STK38L: variants seen among roughly 807,000 people sequenced by gnomAD.
STK38L encodes serine/threonine kinase 38 like.
In STK38L, 28 loss-of-function variants were observed where a neutral mutation model predicts 59.7. That is an observed-to-expected ratio of 0.47 (90% CI 0.35 to 0.64). The LOEUF (loss-of-function observed/expected upper bound fraction) is 0.64. Among genes scored for constraint, STK38L ranks in the 30% least tolerant of loss-of-function variants. The pLI is 0.01. For missense variants in STK38L, 314 were observed against 555.8 expected (o/e 0.56, Z 4.37); for synonymous variants, 162 against 176.8 (o/e 0.92, Z 0.66).
chr12:27,247,227 C>T (rs1348261158), intron 1 of STK38L, among the ~76,000 whole-genome samples: 2 of 152,130 alleles, frequency 1.3e-5, no homozygotes, highest in Non-Finnish European at 2.9e-5. Flanking sequence ...TTATTATTCC[C>T]GTTTTGCAGA....
intron 1 of STK38L, among the ~76,000 whole-genome samples, chr12:27,269,302 G>A (rs1943368633): frequency 6.6e-6 from 1 of 152,154 alleles, no homozygotes; most frequent in Non-Finnish European, 1.5e-5. Flanking sequence ...TTTGTATAAG[G>A]TGTAAGGAAG....
chr12:27,314,035 T>C (rs1390202338), intron 6 of STK38L, among the ~76,000 whole-genome samples: 1 of 152,226 alleles, frequency 6.6e-6, no homozygotes, highest in Non-Finnish European at 1.5e-5. Flanking sequence ...ATGAAACTTC[T>C]GCTATGCAAT....
At chr12:27,256,489 C>T (rs1333227056) in intron 1 of STK38L, among the ~76,000 whole-genome samples, 7 of 152,342 alleles carry the variant, frequency 4.6e-5, no homozygotes, top group African/African-American at 1.7e-4. Context: ...TTAGGCATCT[C>T]TTTCAGGGAG....
chr12:27,252,065 T>C (rs1942986383), intron 1 of STK38L, among the ~76,000 whole-genome samples: 1 of 152,016 alleles, frequency 6.6e-6, no homozygotes, highest in South Asian at 2.1e-4. Context: ...CTGCAAGCTC[T>C]GCCTCCCGGG....
At chr12:27,267,058 G>A (rs1163626396) in intron 1 of STK38L, among the ~76,000 whole-genome samples, 1 of 152,218 alleles carries the variant, frequency 6.6e-6, no homozygotes, top group African/African-American at 2.4e-5. Flanking sequence ...TCGGGTTTTT[G>A]TTTCTGTTGC....
intron 1 of STK38L, among the ~76,000 whole-genome samples, chr12:27,269,179 C>T (rs1325103791): frequency 6.6e-6 from 1 of 152,192 alleles, no homozygotes; most frequent in African/African-American, 2.4e-5. Context: ...GTGTTTTAGA[C>T]ATGAAGTCCT....
At chr12:27,282,802 C>T (rs1565535822) in intron 1 of STK38L, among the ~76,000 whole-genome samples, 1 of 152,122 alleles carries the variant, frequency 6.6e-6, no homozygotes, top group Non-Finnish European at 1.5e-5. Flanking sequence ...AAATGGAAGC[C>T]ATTTAAACAT....
At chr12:27,302,342 T>C in intron 3 of STK38L, 154 bp downstream of exon 3, 1 of 539,432 alleles carries the variant, frequency 1.9e-6, no homozygotes, top group Non-Finnish European at 3.2e-6. Flanking sequence ...TTGATATCTT[T>C]AGAAGGAGGC....
chr12:27,260,550 C>CAGT (rs1943184050), intron 1 of STK38L, among the ~76,000 whole-genome samples: 1 of 152,140 alleles, frequency 6.6e-6, no homozygotes, highest in Non-Finnish European at 1.5e-5. Flanking sequence ...CTCCCCCTCA[C>CAGT]TCTCTCTGTG....
intron 1 of STK38L, among the ~76,000 whole-genome samples, chr12:27,251,870 C>T (rs10842887): frequency 0.092 from 14,026 of 152,210 alleles, 824 homozygotes; most frequent in Non-Finnish European, 0.13. Flanking sequence ...CAATTGCTTA[C>T]ATTCTAACTA....
At chr12:27,289,019 A>G (rs933524258) in intron 1 of STK38L, among the ~76,000 whole-genome samples, 4 of 152,000 alleles carry the variant, frequency 2.6e-5, no homozygotes, top group Admixed American at 2.0e-4. Context: ...TTTTTTTCCC[A>G]TCGAGGTGCT....
intron 1 of STK38L, among the ~76,000 whole-genome samples, chr12:27,273,573 A>G (rs1319812942): frequency 6.6e-6 from 1 of 152,226 alleles, no homozygotes; most frequent in Non-Finnish European, 1.5e-5. Flanking sequence ...ATTAATGTAT[A>G]GTTAATTATG....
intron 1 of STK38L, among the ~76,000 whole-genome samples, chr12:27,288,762 C>A (rs900535919): frequency 2.0e-5 from 3 of 150,956 alleles, no homozygotes; most frequent in African/African-American, 7.3e-5. Flanking sequence ...TTTTGTTTTA[C>A]CTCTGAATAT....
chr12:27,246,743 C>CTTAA (rs1238825985), intron 1 of STK38L, among the ~76,000 whole-genome samples: 2 of 107,488 alleles, frequency 1.9e-5, no homozygotes, highest in East Asian at 1.6e-3. Flanking sequence ...ATGACCAGTA[C>CTTAA]TTAAGTGCAC....
At chr12:27,279,485 G>A (rs1024498665) in intron 1 of STK38L, among the ~76,000 whole-genome samples, 2 of 152,122 alleles carry the variant, frequency 1.3e-5, no homozygotes, top group East Asian at 1.9e-4. Context: ...ACCACTTTGG[G>A]AGGCCGAGGC....
intron 8 of STK38L, 74 bp downstream of exon 8, chr12:27,315,191 C>T (rs1294416792): frequency 7.6e-6 from 12 of 1,573,404 alleles, no homozygotes; most frequent in Non-Finnish European, 1.0e-5. Context: ...TTTCCCTTTC[C>T]CCACTCCTTA....
chr12:27,287,728 C>T (rs1048002608), intron 1 of STK38L, among the ~76,000 whole-genome samples: 4 of 151,920 alleles, frequency 2.6e-5, no homozygotes, highest in Admixed American at 6.6e-5. Flanking sequence ...ATTTATTTTG[C>T]ATTTTGGAGT....
chr12:27,267,037 A>G (rs1471396728), intron 1 of STK38L, among the ~76,000 whole-genome samples: 1 of 152,148 alleles, frequency 6.6e-6, no homozygotes, highest in African/African-American at 2.4e-5. Flanking sequence ...GTTTGACTCA[A>G]TTTTACAGTT....
intron 1 of STK38L, among the ~76,000 whole-genome samples, chr12:27,294,504 C>CAAA (rs63041360): frequency 1.4e-4 from 14 of 101,408 alleles, no homozygotes; most frequent in African/African-American, 5.2e-4. Flanking sequence ...GAAATTCTGT[C>CAAA]AAAAAAAAAA....
Sources: gnomAD v4.1 joint callset for allele counts (sites outside exome capture counted in the v4.1 genomes callset) on GRCh38, gnomAD v4.1.1 for gene constraint, MANE v1.5 for transcripts, NCBI Gene and HGNC (gene_info 2026-07-23, HGNC 2026-07-21) for gene names.